The following TUT4 variants were observed in gnomAD, a reference collection of about 807,000 sequenced individuals.
The protein encoded by TUT4 is terminal uridylyl transferase 4, also known as terminal uridylyltransferase 4.
A neutral mutation model predicts 192.2 loss-of-function variants in TUT4; 36 were observed. That is an observed-to-expected ratio of 0.19 (90% confidence interval 0.14 to 0.25). The LOEUF (loss-of-function observed/expected upper bound fraction) is 0.25. Among genes scored for constraint, TUT4 ranks in the 10% least tolerant of loss-of-function variants. TUT4 has a pLI of 1.00. For missense variants in TUT4, 1,493 were observed against 1,957.2 expected, an observed-to-expected ratio of 0.76 and a Z score of 4.47; for synonymous variants, 618 against 666.0, an observed-to-expected ratio of 0.93 and a Z score of 1.11.
intron 27 of TUT4, chr1:52,433,533 A>T (rs1392010124): frequency 6.6e-6 from 1 of 152,210 alleles, no homozygotes. Context: ...ACTATATTTT[A>T]GGCATGTTGA....
intron 1 of TUT4, among the ~76,000 whole-genome samples, chr1:52,542,819 T>C (rs1444624952): frequency 2.0e-5 from 3 of 151,980 alleles, no homozygotes; most frequent in Non-Finnish European, 2.9e-5. Flanking sequence ...TGGAGTGCAA[T>C]GGCACGATCT....
intron 1 of TUT4, among the ~76,000 whole-genome samples, chr1:52,544,900 C>A (rs918704245): frequency 1.3e-5 from 2 of 151,526 alleles, no homozygotes; most frequent in Admixed American, 1.3e-4. Flanking sequence ...CTACAAAAAT[C>A]TTAAAATTCG....
intron 3 of TUT4, among the ~76,000 whole-genome samples, chr1:52,512,694 T>A (rs1350132209): frequency 1.3e-5 from 2 of 152,242 alleles, no homozygotes; most frequent in Non-Finnish European, 2.9e-5. Flanking sequence ...TAGTAAATCT[T>A]TACCTTTCTG....
intron 20 of TUT4, among the ~76,000 whole-genome samples, chr1:52,455,093 G>A (rs978899936): frequency 1.3e-5 from 2 of 152,082 alleles, no homozygotes; most frequent in African/African-American, 4.8e-5. Flanking sequence ...AGACCAACCT[G>A]GGCAACATGG....
chr1:52,497,067 GTCA>G lies in TUT4; in HGVS notation c.1113_1115del (p.Asp372del), dbSNP rs1672630296. 6.2e-7 allele frequency: 1 copy of G among 1,613,886 alleles called. No individual in the cohort carries two copies. Among genetic ancestry groups the G allele is most frequent in the Non-Finnish European group, 8.5e-7 (1 of 1,179,972 alleles). ...CCACAATTTCCTGACGGACTCTGAG[GTCA>G]TCATCTGTTATTCCATGTTCTTTTG... On this transcript the variant is annotated inframe_deletion, in exon 5 of 30. Transcript: ENST00000257177.
At chr1:52,493,308 C>T (rs1297953232) in intron 7 of TUT4, among the ~76,000 whole-genome samples, 1 of 152,108 alleles carries the variant, frequency 6.6e-6, no homozygotes, top group African/African-American at 2.4e-5. Flanking sequence ...GTCCCAAACG[C>T]CTGACCTCAG....
At chr1:52,490,256 T>TCCTCCCACCTCAG (rs2149076017) in intron 8 of TUT4, among the ~76,000 whole-genome samples, 1 of 146,180 alleles carries the variant, frequency 6.8e-6, no homozygotes, top group Non-Finnish European at 1.5e-5. Flanking sequence ...GCTCAGGCCA[T>TCCTCCCACCTCAG]CCTCCCACCT....
intron 8 of TUT4, among the ~76,000 whole-genome samples, chr1:52,490,425 T>C (rs985872208): frequency 2.6e-5 from 4 of 151,984 alleles, no homozygotes; most frequent in Admixed American, 6.6e-5. Flanking sequence ...TCTTTATGTC[T>C]GTATCCATAG....
chr1:52,510,121 G>A (rs1195433107), intron 3 of TUT4, among the ~76,000 whole-genome samples: 1 of 151,924 alleles, frequency 6.6e-6, no homozygotes, highest in Non-Finnish European at 1.5e-5. Flanking sequence ...AGACAAGACT[G>A]GACAACATGG....
At chr1:52,442,129 G>T (rs115058293) in intron 24 of TUT4, among the ~76,000 whole-genome samples, 41 of 139,668 alleles carry the variant, frequency 2.9e-4, no homozygotes, top group Admixed American at 2.0e-3. Context: ...GATGGCACCA[G>T]TGCACTCCAG....
chr1:52,491,299 A>C (rs921639521), intron 7 of TUT4, among the ~76,000 whole-genome samples: 1 of 152,214 alleles, frequency 6.6e-6, no homozygotes, highest in African/African-American at 2.4e-5. Context: ...AAAGCTGCTA[A>C]GGAAGGACTA....
At chr1:52,494,861 G>C (rs1250485266) in intron 6 of TUT4, among the ~76,000 whole-genome samples, 1 of 151,858 alleles carries the variant, frequency 6.6e-6, no homozygotes, top group Non-Finnish European at 1.5e-5. Context: ...TGTCAATAAA[G>C]AATGTCAGCA....
chr1:52,535,181 T>C (rs1198809722), intron 1 of TUT4: 1 of 152,172 alleles, frequency 6.6e-6, no homozygotes, highest in Non-Finnish European at 1.5e-5. Flanking sequence ...CTATCTACTA[T>C]AAATTCCTCC....
chr1:52,481,413 A>G lies in TUT4; in HGVS notation c.1848+10T>C. The G allele has an allele frequency of 6.2e-7, 1 of 1,612,446 alleles. No homozygotes were observed. The highest frequency in any genetic ancestry group is 8.5e-7 in the Non-Finnish European group (1 of 1,179,364). ...TAGAAAAGCCAAAAAACAAAAACAAAAAGGCTTACTTTGCCATGTTTTTCC... is the reference window on the plus strand; with the variant it reads ...TAGAAAAGCCAAAAAACAAAAACAAGAAGGCTTACTTTGCCATGTTTTTCC... On this transcript the variant is annotated intron_variant, in intron 11 of 29. Transcript: ENST00000257177.
At chr1:52,465,223 G>A (rs199578682) in intron 15 of TUT4, 50 bp from the exon 16 acceptor site, 4 of 1,359,974 alleles carry the variant, frequency 2.9e-6, no homozygotes, top group African/African-American at 2.9e-5. Context: ...CAGAGAGGAG[G>A]AGTCTTCTGC....
intron 1 of TUT4, among the ~76,000 whole-genome samples, chr1:52,545,991 T>C (rs778126642): frequency 4.3e-5 from 6 of 138,064 alleles, no homozygotes; most frequent in Non-Finnish European, 7.8e-5. Flanking sequence ...AAAAAAAAAT[T>C]GGCCAGGTGT....
At chr1:52,516,483 A>G (rs952639203) in intron 2 of TUT4, among the ~76,000 whole-genome samples, 2 of 152,162 alleles carry the variant, frequency 1.3e-5, no homozygotes, top group African/African-American at 4.8e-5. Flanking sequence ...CCAGACCACA[A>G]ACCCACACAA....
intron 1 of TUT4, chr1:52,535,062 G>A (rs902290906): frequency 1.3e-5 from 2 of 152,106 alleles, no homozygotes; most frequent in Non-Finnish European, 2.9e-5. Flanking sequence ...CAATAAGCCT[G>A]CTGTAGATAT....
chr1:52,548,867 T>C (rs950750687), intron 1 of TUT4, among the ~76,000 whole-genome samples: 1 of 152,214 alleles, frequency 6.6e-6, no homozygotes, highest in African/African-American at 2.4e-5. Flanking sequence ...TTCCAGCCCA[T>C]GCTCTTCAAT....
Sources: allele counts gnomAD v4.1 joint callset (sites outside exome capture counted in the v4.1 genomes callset), GRCh38; gene constraint gnomAD v4.1.1; transcripts MANE v1.5; gene names NCBI Gene and HGNC (gene_info 2026-07-23, HGNC 2026-07-21).